RIMBP2: variants seen among roughly 807,000 people sequenced by gnomAD.
RIMBP2 encodes the protein RIMS-binding protein 2.
In RIMBP2, 48 loss-of-function variants were observed where a neutral mutation model predicts 118.6. The ratio of observed to expected loss-of-function variants is 0.40; its 90% confidence interval spans 0.32 to 0.51. RIMBP2 has a LOEUF of 0.51. Ranked by LOEUF, RIMBP2 falls within the 20% of genes least tolerant of loss-of-function variation. The pLI is 0.41. For synonymous variants in RIMBP2, 762 were observed against 742.9 expected (o/e 1.03, Z -0.42); for missense variants, 1,551 against 1,768.3 (o/e 0.88, Z 2.20).
In RIMBP2 at chr12:130,621,802, C is replaced by G. The variant is rs568860431; in HGVS notation, c.-217+6520G>C. Among the ~76,000 whole-genome samples, 2 of 152,144 alleles carry G rather than the reference C, an allele frequency of 1.3e-5. No homozygotes were observed. Among genetic ancestry groups the G allele is most frequent in the African/African-American group, 2.4e-5 (1 of 41,436 alleles). ...AAAACTCTTGCCAAACACATTTGTA[C>G]TCTACCCTTTTACTGCCCTTGAAGG... On this transcript the variant is annotated intron_variant, in intron 2 of 22. Coordinates refer to ENST00000690449, the MANE Select transcript of RIMBP2 (RefSeq NM_001393629.1). This position sits in a 1 kb window ranked among gnomAD's most constrained non-coding sequence, Gnocchi z 6.6.
intron 6 of RIMBP2, among the ~76,000 whole-genome samples, chr12:130,461,557 TC>T (rs1000658522): frequency 1.1e-4 from 17 of 152,034 alleles, no homozygotes; most frequent in African/African-American, 4.1e-4. Flanking sequence ...CAGGGCGTCG[TC>T]CCCTCCACAT....
intron 4 of RIMBP2, among the ~76,000 whole-genome samples, chr12:130,498,983 A>G (rs1309874346): frequency 1.3e-5 from 2 of 152,250 alleles, no homozygotes. Context: ...ATTTGTGAAG[A>G]AAAGAGGTTT....
chr12:130,551,228 G>A (rs2139721711), intron 2 of RIMBP2, among the ~76,000 whole-genome samples: 1 of 152,312 alleles, frequency 6.6e-6, no homozygotes, highest in East Asian at 1.9e-4. Context: ...CTGGAAAACA[G>A]GATCTCTGCC....
chr12:130,701,167 G>A (rs116047109), intron 1 of RIMBP2, among the ~76,000 whole-genome samples: 1 of 152,178 alleles, frequency 6.6e-6, no homozygotes, highest in Non-Finnish European at 1.5e-5. Context: ...TAGACAGGGA[G>A]CCACTCTGAG....
chr12:130,714,130 G>A (rs1185550115), intron 1 of RIMBP2, among the ~76,000 whole-genome samples: 1 of 152,208 alleles, frequency 6.6e-6, no homozygotes, highest in African/African-American at 2.4e-5. Flanking sequence ...AAATACAAAC[G>A]TGGCAGGGGG....
rs187191688 is a variant in RIMBP2, at chr12:130,482,694, G to A, written c.-3-3678C>T. Among the ~76,000 whole-genome samples, 5 of 152,170 alleles carry A rather than the reference G, an allele frequency of 3.3e-5. No individual in the cohort carries two copies. In the South Asian group the frequency reaches 1.0e-3, roughly 32 times the overall value. On this transcript the variant is annotated intron_variant, in intron 4 of 22. Transcript: ENST00000690449. ...AAGCAAAACAAAACCAGCTCTCTTGGAGCTCACATTCTGCAGGGGAGGGGG... is the reference window on the plus strand; with the variant it reads ...AAGCAAAACAAAACCAGCTCTCTTGAAGCTCACATTCTGCAGGGGAGGGGG...
At chr12:130,476,413 G>A (rs2081431316) in intron 5 of RIMBP2, among the ~76,000 whole-genome samples, 1 of 152,190 alleles carries the variant, frequency 6.6e-6, no homozygotes, top group Non-Finnish European at 1.5e-5. Context: ...CTTGGTAGGG[G>A]GATGAGGGCC....
rs2061424791 is a variant in RIMBP2 at position 130,623,177 on chromosome 12, T to C, written c.-217+5145A>G. 6.6e-6 allele frequency among the ~76,000 whole-genome samples: 1 copy of C among 152,246 alleles called. No individual in the cohort carries two copies. Among genetic ancestry groups the C allele is most frequent in the African/African-American group, 2.4e-5 (1 of 41,472 alleles). ...CCTGCATTATTGAATTTAAAAAGCA[T>C]ATTATGATGAACACACACATGTATT... On this transcript the variant is annotated intron_variant, in intron 2 of 22. Coordinates refer to ENST00000690449, the MANE Select transcript of RIMBP2 (RefSeq NM_001393629.1). The surrounding 1 kb of genome is among the most constrained non-coding windows in gnomAD (Gnocchi z 4.1).
chr12:130,512,323 T>C (rs1419351507), intron 3 of RIMBP2, among the ~76,000 whole-genome samples: 1 of 145,252 alleles, frequency 6.9e-6, no homozygotes, highest in Non-Finnish European at 1.5e-5. Context: ...CAAAGTCCAT[T>C]GCTTTCTTTT....
In RIMBP2 at chr12:130,621,690, C is replaced by T. The variant is rs769174709; in HGVS notation, c.-217+6632G>A. On this transcript the variant is annotated intron_variant, in intron 2 of 22. Transcript: ENST00000690449. This position sits in a 1 kb window ranked among gnomAD's most constrained non-coding sequence, Gnocchi z 6.6. ...AGCAAGTAAATGACATCCCAGGGCC[C>T]GAGTTTACCAAGAGACACGAGTGAA... Among the ~76,000 whole-genome samples, 15 of 152,180 alleles carry T rather than the reference C, an allele frequency of 9.9e-5. No individual in the cohort carries two copies. The highest frequency in any genetic ancestry group is 2.1e-4 in the South Asian group (1 of 4,822).
chr12:130,474,428 G>T (rs2081264569), intron 5 of RIMBP2, among the ~76,000 whole-genome samples: 1 of 152,214 alleles, frequency 6.6e-6, no homozygotes, highest in South Asian at 2.1e-4. Flanking sequence ...TCCAGGATTT[G>T]CTGGGGAGCT....
At chr12:130,522,136 G>C (rs1454367078) in intron 2 of RIMBP2, among the ~76,000 whole-genome samples, 1 of 152,240 alleles carries the variant, frequency 6.6e-6, no homozygotes, top group Non-Finnish European at 1.5e-5. Context: ...GAACGTGCCA[G>C]TTAAGGAGAT....
At chr12:130,675,247 C>G (rs895956313) in intron 1 of RIMBP2, among the ~76,000 whole-genome samples, 1 of 152,186 alleles carries the variant, frequency 6.6e-6, no homozygotes, top group Non-Finnish European at 1.5e-5. Flanking sequence ...CCTTCGGGAA[C>G]GATGGGTGTC....
chr12:130,529,258 A>G (rs1158409351), intron 2 of RIMBP2, among the ~76,000 whole-genome samples: 4 of 152,208 alleles, frequency 2.6e-5, no homozygotes, highest in African/African-American at 9.6e-5. Flanking sequence ...TCAAAAAATG[A>G]CATGCTGATT....
intron 1 of RIMBP2, among the ~76,000 whole-genome samples, chr12:130,631,554 A>G (rs1475488917): frequency 6.6e-6 from 1 of 152,114 alleles, no homozygotes; most frequent in African/African-American, 2.4e-5. Flanking sequence ...GAATCATGAC[A>G]AACAGAAGTG....
intron 2 of RIMBP2, among the ~76,000 whole-genome samples, chr12:130,545,950 C>T (rs75309684): frequency 0.021 from 3,188 of 152,164 alleles, 218 homozygotes; most frequent in East Asian, 0.16. Context: ...TCATTCTCAG[C>T]GCAGTAGGGA....
chr12:130,549,562 C>T (rs1337587670), intron 2 of RIMBP2, among the ~76,000 whole-genome samples: 2 of 152,188 alleles, frequency 1.3e-5, no homozygotes, highest in African/African-American at 4.8e-5. Context: ...TTTGTGTCCA[C>T]GTGTTCTCAT....
intron 1 of RIMBP2, among the ~76,000 whole-genome samples, chr12:130,681,856 G>A (rs2064803423): frequency 1.3e-5 from 2 of 152,060 alleles, no homozygotes; most frequent in South Asian, 2.1e-4. Flanking sequence ...CACCATGCCC[G>A]GCTAATTTTT....
chr12:130,440,001 C>T (rs1280277270), intron 11 of RIMBP2, among the ~76,000 whole-genome samples: 1 of 151,754 alleles, frequency 6.6e-6, no homozygotes, highest in East Asian at 1.9e-4. Context: ...TGAGTATAAG[C>T]ACATCCGTAT....
Sources: gnomAD v4.1 joint callset for allele counts (sites outside exome capture counted in the v4.1 genomes callset) on GRCh38, gnomAD v4.1.1 for gene constraint, Gnocchi (gnomAD v3.1) non-coding constraint, MANE v1.5 for transcripts, NCBI Gene and HGNC (gene_info 2026-07-23, HGNC 2026-07-21) for gene names.